HTT-AS: variants seen among roughly 807,000 people sequenced by gnomAD.
HTT-AS encodes HTT antisense RNA (head to head).
chr4:3,070,466 T>G (rs567163783), intron 1 of HTT-AS, among the ~76,000 whole-genome samples: 1 of 152,182 alleles, frequency 6.6e-6, no homozygotes, highest in Non-Finnish European at 1.5e-5. Context: ...AATTTTTGTA[T>G]TTTTAGTTGA....
downstream of HTT-AS, among the ~76,000 whole-genome samples, chr4:3,046,192 C>T (rs980989977): frequency 1.3e-5 from 2 of 152,114 alleles, no homozygotes; most frequent in East Asian, 3.8e-4. Flanking sequence ...TTGGGCAGCC[C>T]CCAGAATCAC....
chr4:3,055,929 T>C (rs1378843456), intron 2 of HTT-AS, among the ~76,000 whole-genome samples: 1 of 152,206 alleles, frequency 6.6e-6, no homozygotes, highest in South Asian at 2.1e-4. Flanking sequence ...CCGTATCAAA[T>C]CTATTCCTGG....
chr4:3,066,837 AG>A (rs1712065638), intron 1 of HTT-AS, among the ~76,000 whole-genome samples: 1 of 152,246 alleles, frequency 6.6e-6, no homozygotes, highest in Admixed American at 6.5e-5. Context: ...ACAAATTACC[AG>A]GAACGTGATA....
intron 1 of HTT-AS, among the ~76,000 whole-genome samples, chr4:3,072,688 T>G (rs1404360030): frequency 1.3e-5 from 2 of 152,192 alleles, no homozygotes; most frequent in Non-Finnish European, 2.9e-5. Context: ...TGGAGTGCAA[T>G]GGCATGATCT....
At chr4:3,063,681 G>C (rs1249667604) in exon 2 of HTT-AS, 1 of 152,336 alleles carries the variant, frequency 6.6e-6, no homozygotes, top group African/African-American at 2.4e-5. Context: ...GCTCCGGCTT[G>C]GAGGTGAAGA....
chr4:3,056,945 A>G (rs1252348869), intron 2 of HTT-AS, among the ~76,000 whole-genome samples: 1 of 151,902 alleles, frequency 6.6e-6, no homozygotes, highest in Non-Finnish European at 1.5e-5. Flanking sequence ...GGCAATTACC[A>G]TTCTGCCCTC....
chr4:3,052,165 C>G (rs992071349), intron 2 of HTT-AS, among the ~76,000 whole-genome samples: 2 of 152,156 alleles, frequency 1.3e-5, no homozygotes, highest in African/African-American at 4.8e-5. Context: ...GGAATGAGTA[C>G]TTTCTAATTG....
intron 2 of HTT-AS, among the ~76,000 whole-genome samples, chr4:3,058,663 G>C (rs2515955): frequency 0.061 from 9,214 of 151,874 alleles, 435 homozygotes; most frequent in African/African-American, 0.13. Flanking sequence ...CCCTATTCAA[G>C]ATGAAGTTGT....
At position 3,061,265 on chromosome 4, in the gene HTT-AS, T is replaced by C. The variant is rs562072673; in HGVS notation, n.1380+1169A>G. Reference sequence around the variant, plus strand: ...TCAATTCATATATGTAAGAAGTACATTGGTTCCGTCCAGAAAGGCGGGGAC... The same window carrying C: ...TCAATTCATATATGTAAGAAGTACACTGGTTCCGTCCAGAAAGGCGGGGAC... On this transcript the variant is annotated intron_variant and non_coding_transcript_variant, in intron 2 of 2. Transcript: ENST00000664062. 5.3e-5 allele frequency among the ~76,000 whole-genome samples: 8 copies of C among 152,302 alleles called. No individual in the cohort carries two copies. The East Asian group carries it at 5.8e-4, about 11-fold the overall frequency.
At chr4:3,061,486 GC>G (rs1476464946) in intron 2 of HTT-AS, among the ~76,000 whole-genome samples, 1 of 151,838 alleles carries the variant, frequency 6.6e-6, no homozygotes, top group Non-Finnish European at 1.5e-5. Flanking sequence ...TTTGAGAGCA[GC>G]CCGGCCAACA....
chr4:3,066,795 T>C (rs1481285566), intron 1 of HTT-AS, among the ~76,000 whole-genome samples: 1 of 152,176 alleles, frequency 6.6e-6, no homozygotes. Context: ...GACTCTCTAA[T>C]AAATTTCAAA....
chr4:3,069,280 G>A (rs899669162), intron 1 of HTT-AS, among the ~76,000 whole-genome samples: 1 of 151,374 alleles, frequency 6.6e-6, no homozygotes, highest in Non-Finnish European at 1.5e-5. Context: ...AGAGTAGGTG[G>A]GATCACAGGC....
chr4:3,051,030 T>TTGTGTGTGTGTGTGTG (rs59615689), intron 2 of HTT-AS, among the ~76,000 whole-genome samples: 31 of 122,550 alleles, frequency 2.5e-4, no homozygotes, highest in East Asian at 1.0e-3. Context: ...CCCTTACAAT[T>TTGTGTGTGTGTGTGTG]TGTGTGTGTG....
chr4:3,047,259 C>T (rs1011714985), downstream of HTT-AS, among the ~76,000 whole-genome samples: 4 of 151,946 alleles, frequency 2.6e-5, no homozygotes, highest in African/African-American at 4.8e-5. Context: ...TGCAGTGAGC[C>T]GAGATTGCGC....
intron 2 of HTT-AS, among the ~76,000 whole-genome samples, chr4:3,051,370 C>T (rs534939495): frequency 2.0e-5 from 3 of 152,022 alleles, no homozygotes; most frequent in Admixed American, 2.0e-4. Context: ...TGGCCTTTTG[C>T]CAGTTTGATA....
chr4:3,068,576 G>A lies in HTT-AS; in HGVS notation n.114-4876C>T, dbSNP rs535069913. Among the ~76,000 whole-genome samples, 7 of 151,900 alleles carry A rather than the reference G, an allele frequency of 4.6e-5. No individual in the cohort carries two copies. In the East Asian group the frequency reaches 7.7e-4, roughly 17 times the overall value. ...GGAGAGTGATAAAAATGGAAAATTCGGGGGCCAATTTAAACAAAAGCTGAC... is the reference window on the plus strand; with the variant it reads ...GGAGAGTGATAAAAATGGAAAATTCAGGGGCCAATTTAAACAAAAGCTGAC... On this transcript the variant is annotated intron_variant and non_coding_transcript_variant, in intron 1 of 2. Transcript: ENST00000664062.
At chr4:3,053,564 G>T (rs1437513563) in intron 2 of HTT-AS, among the ~76,000 whole-genome samples, 1 of 151,878 alleles carries the variant, frequency 6.6e-6, no homozygotes, top group East Asian at 1.9e-4. Context: ...ATAAATAAAA[G>T]AGCTCTAATT....
intron 2 of HTT-AS, among the ~76,000 whole-genome samples, chr4:3,055,016 A>G (rs1238317571): frequency 6.6e-6 from 1 of 151,956 alleles, no homozygotes; most frequent in Admixed American, 6.5e-5. Flanking sequence ...CCTGGCCAAC[A>G]GGGTTTTCTT....
Position 3,061,860 on chromosome 4 carries a change from T to TA in HTT-AS, n.1380+573dup, listed in dbSNP as rs755657039. ...AGCTGGGTGTGGTGGCGAGCACCTG[T>TA]AGTCCCAGCTACTCGGCAGGCTGAG... On this transcript the variant is annotated intron_variant and non_coding_transcript_variant, in intron 2 of 2. Coordinates refer to ENST00000664062, the Ensembl canonical transcript of HTT-AS. Among the ~76,000 whole-genome samples, 241 of 151,420 alleles carry TA rather than the reference T, an allele frequency of 1.6e-3. 1 individual carries two copies. Among genetic ancestry groups the TA allele is most frequent in the Non-Finnish European group, 2.4e-3 (161 of 67,824 alleles).
Sources: gnomAD v4.1 joint callset for allele counts (sites outside exome capture counted in the v4.1 genomes callset) on GRCh38, gnomAD v4.1.1 for gene constraint, MANE v1.5 for transcripts, NCBI Gene and HGNC (gene_info 2026-07-23, HGNC 2026-07-21) for gene names.